KCNMA1: variants seen among roughly 807,000 people sequenced by gnomAD.
KCNMA1 encodes potassium calcium-activated channel subfamily M alpha 1.
A neutral mutation model predicts 140.0 loss-of-function variants in KCNMA1; 29 were observed. That is an observed-to-expected ratio of 0.21 (90% CI 0.15 to 0.28). The LOEUF (loss-of-function observed/expected upper bound fraction) is 0.28, where lower values mean the gene tolerates loss of function less well. KCNMA1 is among the 10% of genes least tolerant of loss of function. The pLI is 1.00. For synonymous variants in KCNMA1, 612 were observed against 611.9 expected (o/e 1.00, Z 0.00); for missense variants, 880 against 1,602.2 (o/e 0.55, Z 7.70).
At chr10:77,336,371 C>A (rs764687697) in intron 2 of KCNMA1, among the ~76,000 whole-genome samples, 2 of 150,330 alleles carry the variant, frequency 1.3e-5, no homozygotes, top group Non-Finnish European at 2.9e-5. Flanking sequence ...AAGATATGTT[C>A]TTTTTCTGAG....
intron 5 of KCNMA1, among the ~76,000 whole-genome samples, chr10:77,132,799 T>C (rs1329140534): frequency 6.6e-6 from 1 of 152,156 alleles, no homozygotes; most frequent in Non-Finnish European, 1.5e-5. Context: ...TCAGGACAGA[T>C]TAATTTGAAC....
chr10:77,597,697 T>C (rs949497038), intron 1 of KCNMA1, among the ~76,000 whole-genome samples: 2 of 152,284 alleles, frequency 1.3e-5, no homozygotes, highest in Admixed American at 1.3e-4. Flanking sequence ...TGTCACATGC[T>C]CTGCTCTGTC....
At chr10:76,986,494 C>G (rs2081300284) in intron 19 of KCNMA1, among the ~76,000 whole-genome samples, 1 of 152,196 alleles carries the variant, frequency 6.6e-6, no homozygotes, top group African/African-American at 2.4e-5. Flanking sequence ...CAGCTGGCTA[C>G]CACTCACTCT....
intron 23 of KCNMA1, among the ~76,000 whole-genome samples, chr10:76,922,666 CAG>C (rs1232658694): frequency 1.3e-5 from 2 of 152,204 alleles, no homozygotes; most frequent in African/African-American, 4.8e-5. Context: ...TGAATGAAAA[CAG>C]GGCAAATGAA....
At chr10:77,531,539 C>G (rs188929256) in intron 1 of KCNMA1, among the ~76,000 whole-genome samples, 1 of 152,304 alleles carries the variant, frequency 6.6e-6, no homozygotes, top group Non-Finnish European at 1.5e-5. Context: ...ACCCTGCCAG[C>G]GCTCCTGCAA....
At chr10:77,109,552 G>T (rs2097270884) in intron 8 of KCNMA1, among the ~76,000 whole-genome samples, 1 of 152,212 alleles carries the variant, frequency 6.6e-6, no homozygotes, top group Non-Finnish European at 1.5e-5. Context: ...AAAGCAAACA[G>T]TGAAACTTTC....
At chr10:76,955,079 G>A (rs2067686872) in intron 20 of KCNMA1, among the ~76,000 whole-genome samples, 2 of 152,060 alleles carry the variant, frequency 1.3e-5, no homozygotes, top group South Asian at 4.2e-4. Flanking sequence ...TCTTTTCTGA[G>A]TAATATTGTC....
intron 1 of KCNMA1, among the ~76,000 whole-genome samples, chr10:77,445,365 GACACACAC>G (rs33995063): frequency 2.8e-5 from 4 of 141,278 alleles, no homozygotes; most frequent in Admixed American, 7.2e-5. Flanking sequence ...CACATACACA[GACACACAC>G]ACACACACAC....
chr10:76,924,392 T>C (rs926988470), intron 23 of KCNMA1, among the ~76,000 whole-genome samples: 2 of 152,356 alleles, frequency 1.3e-5, no homozygotes, highest in African/African-American at 4.8e-5. Flanking sequence ...ATGTCAACTT[T>C]CTTATGTCTG....
chr10:77,234,259 G>T (rs1326867275), intron 3 of KCNMA1, among the ~76,000 whole-genome samples: 1 of 152,056 alleles, frequency 6.6e-6, no homozygotes, highest in Admixed American at 6.5e-5. Flanking sequence ...TGAGAAAGGG[G>T]TCATAGTCTT....
downstream of KCNMA1, chr10:76,877,430 T>C (rs2032593500): frequency 6.1e-6 from 1 of 164,044 alleles, no homozygotes; most frequent in African/African-American, 2.4e-5. Flanking sequence ...TGTTTAGATA[T>C]AGGGAAGATA....
At chr10:77,054,748 C>T (rs1926702) in intron 14 of KCNMA1, among the ~76,000 whole-genome samples, 6,462 of 152,222 alleles carry the variant, frequency 0.042, 389 homozygotes, top group East Asian at 0.22. Context: ...TCAGTTCAAA[C>T]GTTTTATTGC....
At chr10:77,197,368 C>T (rs2040862153) in intron 3 of KCNMA1, among the ~76,000 whole-genome samples, 1 of 152,192 alleles carries the variant, frequency 6.6e-6, no homozygotes, top group African/African-American at 2.4e-5. Flanking sequence ...GAGTCAGGAA[C>T]ATGTAGGACT....
At chr10:77,294,390 T>C (rs2074300764) in intron 2 of KCNMA1, among the ~76,000 whole-genome samples, 1 of 152,198 alleles carries the variant, frequency 6.6e-6, no homozygotes, top group Non-Finnish European at 1.5e-5. Context: ...AGAGCCCTGC[T>C]GAGCATGGTG....
At chr10:77,279,726 T>C (rs2067825700) in intron 2 of KCNMA1, among the ~76,000 whole-genome samples, 1 of 152,152 alleles carries the variant, frequency 6.6e-6, no homozygotes, top group South Asian at 2.1e-4. Context: ...AGGAACCCAA[T>C]GGGAGGTAAT....
chr10:77,629,610 G>C (rs182944620), intron 1 of KCNMA1, among the ~76,000 whole-genome samples: 130 of 152,306 alleles, frequency 8.5e-4, no homozygotes, highest in African/African-American at 3.0e-3. Flanking sequence ...GGAGTTTGCA[G>C]GCAATTCAGA....
intron 15 of KCNMA1, among the ~76,000 whole-genome samples, chr10:77,034,726 C>T (rs1275832553): frequency 6.6e-6 from 1 of 152,172 alleles, no homozygotes; most frequent in Admixed American, 6.5e-5. Flanking sequence ...CCAAGTTCCC[C>T]AGGCATTAAA....
At chr10:77,341,616 T>C (rs901568468) in intron 2 of KCNMA1, among the ~76,000 whole-genome samples, 1 of 152,178 alleles carries the variant, frequency 6.6e-6, no homozygotes, top group Non-Finnish European at 1.5e-5. Context: ...CTGAAATGCC[T>C]GTGATGGGAA....
At chr10:77,097,737 A>C (rs1344348222) in intron 9 of KCNMA1, among the ~76,000 whole-genome samples, 1 of 152,234 alleles carries the variant, frequency 6.6e-6, no homozygotes, top group African/African-American at 2.4e-5. Context: ...GCAATAAGAT[A>C]ATTTCCTATC....
Sources: gnomAD v4.1 joint callset for allele counts (sites outside exome capture counted in the v4.1 genomes callset) on GRCh38, gnomAD v4.1.1 for gene constraint, MANE v1.5 for transcripts, NCBI Gene and HGNC (gene_info 2026-07-23, HGNC 2026-07-21) for gene names.